Variants in ATRNL1 observed in about 807,000 individuals in gnomAD.
ATRNL1 encodes attractin like 1, also known as attractin-like protein 1.
ATRNL1 carries 95 observed loss-of-function variants against 182.7 expected under a neutral mutation model. The observed-to-expected ratio is 0.52, with a 90% CI of 0.44 to 0.62. The LOEUF is 0.62. Among genes scored for constraint, ATRNL1 ranks in the 20% least tolerant of loss-of-function variants. The pLI is 0.00. For missense variants in ATRNL1, 1,471 were observed against 1,679.5 expected (o/e 0.88, Z 2.17); for synonymous variants, 576 against 568.3 (o/e 1.01, Z -0.19).
At chr10:115,144,661 CAATT>C (rs1446666946) in intron 5 of ATRNL1, among the ~76,000 whole-genome samples, 4 of 152,268 alleles carry the variant, frequency 2.6e-5, no homozygotes, top group East Asian at 1.9e-4. Flanking sequence ...TCTCTATTCA[CAATT>C]AAAGTTATCT....
At chr10:115,536,623 CTGCGCCCACTGTCT>C (rs1176510199) in intron 25 of ATRNL1, among the ~76,000 whole-genome samples, 5 of 152,178 alleles carry the variant, frequency 3.3e-5, no homozygotes, top group Admixed American at 2.6e-4. Flanking sequence ...ACCCACTGTC[CTGCGCCCACTGTCT>C]GGCACTCCCT....
chr10:115,660,500 C>T (rs907311387), intron 26 of ATRNL1, among the ~76,000 whole-genome samples: 4 of 151,968 alleles, frequency 2.6e-5, no homozygotes, highest in African/African-American at 9.7e-5. Context: ...ATAAGCTGAC[C>T]ATTAAAGCAA....
chr10:115,120,966 A>G (rs1390054214), intron 2 of ATRNL1, among the ~76,000 whole-genome samples: 9 of 152,182 alleles, frequency 5.9e-5, no homozygotes, highest in African/African-American at 2.2e-4. Flanking sequence ...AAAAATAAGA[A>G]TAGTGGCTTC....
chr10:115,260,878 C>G (rs1851364001), intron 10 of ATRNL1, among the ~76,000 whole-genome samples: 1 of 151,730 alleles, frequency 6.6e-6, no homozygotes, highest in Admixed American at 6.6e-5. Flanking sequence ...TATGACTGTT[C>G]CAGAAAACTT....
At chr10:115,695,553 A>G (rs1390994971) in intron 26 of ATRNL1, among the ~76,000 whole-genome samples, 1 of 152,180 alleles carries the variant, frequency 6.6e-6, no homozygotes, top group East Asian at 1.9e-4. Flanking sequence ...TTTGTATTGT[A>G]TTCTACATTC....
chr10:115,868,033 G>T (rs1280245549), intron 28 of ATRNL1, among the ~76,000 whole-genome samples: 2 of 152,062 alleles, frequency 1.3e-5, no homozygotes, highest in Non-Finnish European at 2.9e-5. Context: ...CAAAGTGCTG[G>T]GATTACAGGC....
intron 1 of ATRNL1, among the ~76,000 whole-genome samples, chr10:115,114,897 T>C (rs886513753): frequency 5.9e-5 from 9 of 152,084 alleles, no homozygotes; most frequent in Non-Finnish European, 1.3e-4. Context: ...TCCAAAGGAA[T>C]TGGAATCAGT....
At chr10:115,884,097 TAGC>T (rs1951889816) in intron 28 of ATRNL1, among the ~76,000 whole-genome samples, 1 of 152,094 alleles carries the variant, frequency 6.6e-6, no homozygotes, top group Non-Finnish European at 1.5e-5. Flanking sequence ...CAAAAGAAAA[TAGC>T]AGTTTCCATC....
Position 115,343,435 on chromosome 10 carries a change from G to A in ATRNL1, c.3175+9016G>A, listed in dbSNP as rs566274154. On this transcript the variant is annotated intron_variant, in intron 19 of 28. Transcript: ENST00000355044. ...AAGACTAATGCATTCTTCCATATGC[G>A]AATTACATCTTTCATCTACAGAATT... Among the ~76,000 whole-genome samples, 228 of 152,012 alleles carry A rather than the reference G, an allele frequency of 1.5e-3. 2 individuals are homozygous for A. Among genetic ancestry groups the A allele is most frequent in the African/African-American group, 5.4e-3 (222 of 41,464 alleles).
At chr10:115,209,229 A>G (rs1024489896) in intron 8 of ATRNL1, among the ~76,000 whole-genome samples, 1 of 151,700 alleles carries the variant, frequency 6.6e-6, no homozygotes, top group East Asian at 1.9e-4. Context: ...ATTTCGCACT[A>G]AAAAGTTTAT....
intron 26 of ATRNL1, among the ~76,000 whole-genome samples, chr10:115,628,515 GT>G (rs112421676): frequency 0.045 from 6,770 of 151,234 alleles, 460 homozygotes; most frequent in African/African-American, 0.15. Flanking sequence ...ATTTTCTCCC[GT>G]TCTATAGATT....
At chr10:115,288,975 A>G (rs1554920000) in intron 15 of ATRNL1, among the ~76,000 whole-genome samples, 1 of 152,164 alleles carries the variant, frequency 6.6e-6, no homozygotes, top group African/African-American at 2.4e-5. Context: ...TTCTCCTATT[A>G]GTCTGTTTTC....
At chr10:115,432,936 T>TGA (rs1554964275) in intron 21 of ATRNL1, among the ~76,000 whole-genome samples, 2 of 152,016 alleles carry the variant, frequency 1.3e-5, no homozygotes, top group African/African-American at 4.8e-5. Flanking sequence ...AAAAGTAGAA[T>TGA]GAGAGTACAT....
chr10:115,257,836 G>A (rs544459938), intron 10 of ATRNL1, among the ~76,000 whole-genome samples: 19 of 152,308 alleles, frequency 1.2e-4, no homozygotes, highest in East Asian at 3.9e-4. Flanking sequence ...TTGCTTGTCT[G>A]TAAAGGATTT....
intron 28 of ATRNL1, among the ~76,000 whole-genome samples, chr10:115,862,400 T>C (rs1166160206): frequency 2.0e-5 from 3 of 152,232 alleles, no homozygotes; most frequent in African/African-American, 7.2e-5. Context: ...AGGTGACTTA[T>C]AGTCTTGTCA....
chr10:115,545,316 T>C (rs934092331), intron 25 of ATRNL1, among the ~76,000 whole-genome samples: 1 of 151,008 alleles, frequency 6.6e-6, no homozygotes, highest in African/African-American at 2.4e-5. Context: ...AGTAGTAACA[T>C]ATATTTTACT....
At chr10:115,314,337 G>C (rs1041365882) in intron 17 of ATRNL1, among the ~76,000 whole-genome samples, 18 of 152,116 alleles carry the variant, frequency 1.2e-4, no homozygotes, top group Non-Finnish European at 4.4e-5. Context: ...TATCTGTGCA[G>C]AGTCAACGAT....
At chr10:115,538,303 T>C (rs1459613520) in intron 25 of ATRNL1, among the ~76,000 whole-genome samples, 2 of 152,224 alleles carry the variant, frequency 1.3e-5, no homozygotes, top group Non-Finnish European at 2.9e-5. Context: ...TACAATTCTG[T>C]GCTGCGACCA....
intron 26 of ATRNL1, among the ~76,000 whole-genome samples, chr10:115,603,359 A>G (rs547932013): frequency 5.9e-5 from 9 of 152,256 alleles, no homozygotes; most frequent in Admixed American, 5.9e-4. Context: ...GGGGCTTTAC[A>G]TTAAGAGACT....
Sources: gnomAD v4.1 joint callset for allele counts (sites outside exome capture counted in the v4.1 genomes callset) on GRCh38, gnomAD v4.1.1 for gene constraint, MANE v1.5 for transcripts, NCBI Gene and HGNC (gene_info 2026-07-23, HGNC 2026-07-21) for gene names.